CACNG5: variants seen among roughly 807,000 people sequenced by gnomAD.
CACNG5 encodes calcium voltage-gated channel auxiliary subunit gamma 5.
In CACNG5, 18 loss-of-function variants were observed where a neutral mutation model predicts 24.8. That is an observed-to-expected ratio of 0.73 (90% CI 0.50 to 1.08). The LOEUF (loss-of-function observed/expected upper bound fraction) is 1.08. Among genes scored for constraint, CACNG5 ranks in the 50% least tolerant of loss-of-function variants. The pLI is 0.00. For synonymous variants in CACNG5, 157 were observed against 149.1 expected, an observed-to-expected ratio of 1.05 and a Z score of -0.39; for missense variants, 349 against 367.9, an observed-to-expected ratio of 0.95 and a Z score of 0.42.
chr17:66,837,300 G>A (rs1426471498), intron 1 of CACNG5, among the ~76,000 whole-genome samples: 2 of 152,312 alleles, frequency 1.3e-5, no homozygotes, highest in African/African-American at 4.8e-5. Context: ...TAGCAGGGTA[G>A]CTCACAGATT....
At chr17:66,841,764 C>T (rs1016212110) in intron 1 of CACNG5, among the ~76,000 whole-genome samples, 5 of 152,158 alleles carry the variant, frequency 3.3e-5, no homozygotes, top group Admixed American at 6.5e-5. Context: ...TGTAAAAGGA[C>T]GGGGTGGGAG....
intron 1 of CACNG5, among the ~76,000 whole-genome samples, chr17:66,866,178 T>A (rs1976927126): frequency 6.6e-6 from 1 of 152,188 alleles, no homozygotes; most frequent in Non-Finnish European, 1.5e-5. Context: ...TCAGAGACTA[T>A]ATATATTCTG....
rs540762869 is a variant in CACNG5, at chr17:66,885,577, C to A, written c.*337C>A. 17 of 266,300 alleles carry A rather than the reference C, an allele frequency of 6.4e-5. No homozygotes were observed. The highest frequency in any genetic ancestry group is 1.1e-3 in the Middle Eastern group (1 of 932). 16.5% of individuals were successfully genotyped at this position (266,300 alleles called of 1,614,324 possible). ...GTTCCCTTTGTATATTCTTCCTGCACCCCCCAACTTCATGGCCCTGGGCCA... is the reference window on the plus strand; with the variant it reads ...GTTCCCTTTGTATATTCTTCCTGCAACCCCCAACTTCATGGCCCTGGGCCA... On this transcript the variant is annotated 3_prime_UTR_variant, in exon 6 of 6. Coordinates refer to ENST00000533854, the MANE Select transcript of CACNG5 (RefSeq NM_145811.3).
intron 1 of CACNG5, among the ~76,000 whole-genome samples, chr17:66,862,892 CTG>C (rs56308917): frequency 0.041 from 5,875 of 141,952 alleles, 164 homozygotes; most frequent in Non-Finnish European, 0.054. Flanking sequence ...AGCATATTCT[CTG>C]TGTGTGTGTG....
chr17:66,893,629 A>G lies in CACNG5; in HGVS notation c.*8389A>G, dbSNP rs113494695. On this transcript the variant is annotated 3_prime_UTR_variant, in exon 6 of 6. Transcript: ENST00000533854. ...GGGCTCAGATCCTAGAGATGAGCTC[A>G]TGTCAGACTCTGGCCTCCAGATTCC... Among the ~76,000 whole-genome samples, 203 of 152,322 alleles carry G rather than the reference A, an allele frequency of 1.3e-3. 2 individuals carry two copies. Among genetic ancestry groups the G allele is most frequent in the African/African-American group, 4.7e-3 (197 of 41,576 alleles).
intron 1 of CACNG5, among the ~76,000 whole-genome samples, chr17:66,865,796 A>ATTTTTTT (rs35187215): frequency 7.7e-6 from 1 of 129,842 alleles, no homozygotes; most frequent in Non-Finnish European, 1.6e-5. Context: ...TGCACGGCTA[A>ATTTTTTT]TTTTTTTTTT....
At chr17:66,843,150 C>G (rs1180806086) in intron 1 of CACNG5, among the ~76,000 whole-genome samples, 1 of 152,182 alleles carries the variant, frequency 6.6e-6, no homozygotes, top group Non-Finnish European at 1.5e-5. Context: ...TCCCATTTTA[C>G]AGATGAGGAA....
At chr17:66,874,962 T>TA (rs1568070531) in intron 1 of CACNG5, among the ~76,000 whole-genome samples, 1 of 152,130 alleles carries the variant, frequency 6.6e-6, no homozygotes, top group Non-Finnish European at 1.5e-5. Flanking sequence ...ACTATTAATA[T>TA]AAAAATACTA....
Position 66,893,974 on chromosome 17 carries a change from G to C in CACNG5, c.*8734G>C, listed in dbSNP as rs1977377815. On this transcript the variant is annotated 3_prime_UTR_variant, in exon 6 of 6. Transcript: ENST00000533854. ...TGGTGAGAAATTCAGTGTTCCCCAG[G>C]GTTGCATGGGAATCCAATGGGGAGG... Among the ~76,000 whole-genome samples, 1 of 152,164 alleles carries C rather than the reference G, an allele frequency of 6.6e-6. No individual in the cohort carries two copies. The highest frequency in any genetic ancestry group is 1.5e-5 in the Non-Finnish European group (1 of 68,038).
intron 5 of CACNG5, 64 bp downstream of exon 5, chr17:66,884,725 G>T (rs754834899): frequency 1.2e-6 from 2 of 1,613,990 alleles, no homozygotes; most frequent in East Asian, 2.2e-5. Flanking sequence ...GAGCCGGGGA[G>T]AGTGGGGATG....
chr17:66,863,920 A>G (rs1369902107), intron 1 of CACNG5, among the ~76,000 whole-genome samples: 1 of 152,210 alleles, frequency 6.6e-6, no homozygotes, highest in African/African-American at 2.4e-5. Flanking sequence ...CTTTAAGCAT[A>G]TTAAAGGTGT....
At position 66,892,441 on chromosome 17, in the gene CACNG5, C is replaced by T. The variant is rs1977358266; in HGVS notation, c.*7201C>T. ...AGGGATGCAAGCAGGGATGATAAAT[C>T]CTTAGAAATGATCTCATAGTCTCGG... On this transcript the variant is annotated 3_prime_UTR_variant, in exon 6 of 6. Coordinates refer to ENST00000533854, the MANE Select transcript of CACNG5 (RefSeq NM_145811.3). 6.6e-6 allele frequency among the ~76,000 whole-genome samples: 1 copy of T among 152,218 alleles called. No homozygotes were observed. Among genetic ancestry groups the T allele is most frequent in the South Asian group, 2.1e-4 (1 of 4,832 alleles).
intron 1 of CACNG5, among the ~76,000 whole-genome samples, chr17:66,860,046 G>T (rs1344187073): frequency 6.6e-6 from 1 of 152,222 alleles, no homozygotes; most frequent in Non-Finnish European, 1.5e-5. Flanking sequence ...TCAGGTCAGA[G>T]TTTCCATTTG....
Position 66,887,866 on chromosome 17 carries a change from A to G in CACNG5, c.*2626A>G, listed in dbSNP as rs1650348219. Among the ~76,000 whole-genome samples the G allele has an allele frequency of 6.6e-6, 1 of 152,190 alleles. No individual in the cohort carries two copies. Among genetic ancestry groups the G allele is most frequent in the South Asian group, 2.1e-4 (1 of 4,824 alleles). ...TTTGGGGGTGGGTGCATGTGTCAATAATCACATCACCATCACAATTTCCTT... is the reference window on the plus strand; with the variant it reads ...TTTGGGGGTGGGTGCATGTGTCAATGATCACATCACCATCACAATTTCCTT... On this transcript the variant is annotated 3_prime_UTR_variant, in exon 6 of 6. Transcript: ENST00000533854.
At chr17:66,864,023 C>T (rs11869737) in intron 1 of CACNG5, among the ~76,000 whole-genome samples, 3,965 of 152,326 alleles carry the variant, frequency 0.026, 86 homozygotes, top group Middle Eastern at 0.068. Flanking sequence ...TGCTAGACAT[C>T]TGTGTGGAAC....
chr17:66,851,040 A>G (rs1976705193), intron 1 of CACNG5, among the ~76,000 whole-genome samples: 1 of 152,138 alleles, frequency 6.6e-6, no homozygotes, highest in Admixed American at 6.5e-5. Context: ...CCGCAAGGCC[A>G]GAAGTTCGCA....
chr17:66,847,926 A>C (rs947894782), intron 1 of CACNG5, among the ~76,000 whole-genome samples: 2 of 152,190 alleles, frequency 1.3e-5, no homozygotes, highest in African/African-American at 2.4e-5. Context: ...GGCACAAGGC[A>C]TGTCTCTGAT....
intron 1 of CACNG5, among the ~76,000 whole-genome samples, chr17:66,839,746 G>T (rs1477053207): frequency 6.6e-6 from 1 of 152,164 alleles, no homozygotes; most frequent in Non-Finnish European, 1.5e-5. Flanking sequence ...ATCACCGAGG[G>T]CTGTGAGCTT....
At chr17:66,870,900 A>G (rs779504643) in intron 1 of CACNG5, among the ~76,000 whole-genome samples, 10 of 151,948 alleles carry the variant, frequency 6.6e-5, no homozygotes, top group Non-Finnish European at 1.5e-4. Context: ...GAATTGCTTG[A>G]ACCTGGGAGG....
Sources: gnomAD v4.1 joint callset for allele counts (sites outside exome capture counted in the v4.1 genomes callset) on GRCh38, gnomAD v4.1.1 for gene constraint, MANE v1.5 for transcripts, NCBI Gene and HGNC (gene_info 2026-07-23, HGNC 2026-07-21) for gene names.